The following OTUD3 variants were observed in gnomAD, a reference collection of about 807,000 sequenced individuals.
OTUD3 encodes OTU deubiquitinase 3, also known as OTU domain-containing protein 3.
In OTUD3, 24 loss-of-function variants were observed where a neutral mutation model predicts 46.2. The observed-to-expected ratio is 0.52, with a 90% CI of 0.38 to 0.73. The LOEUF (loss-of-function observed/expected upper bound fraction) is 0.73, where lower values mean the gene tolerates loss of function less well. Ranked by LOEUF, OTUD3 falls within the 30% of genes least tolerant of loss-of-function variation. The pLI is 0.00. For synonymous variants in OTUD3, 189 were observed against 195.4 expected (o/e 0.97, Z 0.27); for missense variants, 455 against 523.3 (o/e 0.87, Z 1.27).
At chr1:19,894,232 C>T (rs2100275238) in intron 2 of OTUD3, 136 bp from the exon 3 acceptor site, 1 of 545,420 alleles carries the variant, frequency 1.8e-6, no homozygotes, top group Non-Finnish European at 3.2e-6. Context: ...AATTCCTAGA[C>T]TCTGACAAAG....
rs752281294 is a variant in OTUD3 at position 19,882,633 on chromosome 1, G to C, written c.120G>C (p.Arg40=). Residue 40 remains arginine (R), a synonymous_variant, in exon 1 of 8, where the codon CGG becomes CGC. Coordinates refer to ENST00000375120, the MANE Select transcript of OTUD3 (RefSeq NM_015207.2). ...CCCTGGCCAAGGAGCGGCGGAATCG[G>C]CCGGAGTCTGGCGGCGGCGGCGGCT... ...RRALAKERRN[R]PESGGGGGCE... is the part of the protein sequence containing the mutation. 3 of 1,462,268 alleles carry C rather than the reference G, an allele frequency of 2.1e-6. No individual in the cohort carries two copies. Among genetic ancestry groups the C allele is most frequent in the Non-Finnish European group, 1.8e-6 (2 of 1,109,430 alleles). The allele number at this position is 1,462,268 out of a possible 1,614,324, so 90.6% of individuals were successfully genotyped here.
chr1:19,902,323 A>C (rs1172701143), intron 4 of OTUD3, among the ~76,000 whole-genome samples: 2 of 152,122 alleles, frequency 1.3e-5, no homozygotes, highest in Non-Finnish European at 2.9e-5. Flanking sequence ...CTTCTGCCTC[A>C]GCCTCCCGAG....
Position 19,909,743 on chromosome 1 carries a change from A to G in OTUD3, c.*1997A>G, listed in dbSNP as rs763929679. ...TAGAATTGCTTTATTTACTTGGTTAATGAAGGTGGCCTTGGGCCCTATTGG... is the reference window on the plus strand; with the variant it reads ...TAGAATTGCTTTATTTACTTGGTTAGTGAAGGTGGCCTTGGGCCCTATTGG... On this transcript the variant is annotated 3_prime_UTR_variant, in exon 8 of 8. Transcript: ENST00000375120. 3 of 152,378 alleles carry G rather than the reference A, an allele frequency of 2.0e-5. No homozygotes were observed. Among genetic ancestry groups the G allele is most frequent in the African/African-American group, 7.2e-5 (3 of 41,456 alleles). 9.4% of individuals were successfully genotyped at this position (152,378 alleles called of 1,614,324 possible).
rs924929909 is a variant in OTUD3 at position 19,911,888 on chromosome 1, G to A, written c.*4142G>A. 15 of 152,322 alleles carry A rather than the reference G, an allele frequency of 9.8e-5. No individual in the cohort carries two copies. The highest frequency in any genetic ancestry group is 3.4e-4 in the African/African-American group (14 of 41,440). 9.4% of individuals were successfully genotyped at this position (152,322 alleles called of 1,614,324 possible). On this transcript the variant is annotated 3_prime_UTR_variant, in exon 8 of 8. Transcript: ENST00000375120. The stretch of plus-strand genomic sequence containing the variant: ...GGACCTCCGGAAAGAGCGGTGCCTT[G>A]TGGTTGGCCTGGAAGTTCTCTCCCA...
chr1:19,911,110 A>G lies in OTUD3; in HGVS notation c.*3364A>G, dbSNP rs111672567. The G allele has an allele frequency of 0.032, 4,803 of 152,324 alleles. 111 individuals are homozygous for G. The highest frequency in any genetic ancestry group is 0.048 in the Non-Finnish European group (3,264 of 68,004). 9.4% of individuals were successfully genotyped at this position (152,324 alleles called of 1,614,324 possible). On this transcript the variant is annotated 3_prime_UTR_variant, in exon 8 of 8. Transcript: ENST00000375120. ...TGACCAAAAGGATCTCTGCGGGGGG[A>G]AGAGAATGGAGCTTCCTGATTTTAA... is the stretch of plus-strand genomic sequence containing the variant.
chr1:19,906,107 C>G (rs2045658281), intron 6 of OTUD3, among the ~76,000 whole-genome samples: 1 of 152,180 alleles, frequency 6.6e-6, no homozygotes, highest in Non-Finnish European at 1.5e-5. Context: ...AGCTTTAGAG[C>G]CTGTTTCTTT....
At chr1:19,897,260 A>G (rs2045529309) in intron 3 of OTUD3, among the ~76,000 whole-genome samples, 1 of 152,206 alleles carries the variant, frequency 6.6e-6, no homozygotes, top group South Asian at 2.1e-4. Context: ...CAGCCTCTGA[A>G]GCTTAAGCTT....
At chr1:19,885,493 A>G (rs977523716) in intron 1 of OTUD3, among the ~76,000 whole-genome samples, 10 of 152,194 alleles carry the variant, frequency 6.6e-5, no homozygotes, top group African/African-American at 2.2e-4. Context: ...TTACTCTGCC[A>G]CCCAGGCTGG....
intron 7 of OTUD3, chr1:19,906,947 C>T (rs1402570259): frequency 5.3e-6 from 1 of 188,298 alleles, no homozygotes; most frequent in Non-Finnish European, 1.1e-5. Flanking sequence ...GCAATGAACA[C>T]CTTTGTGTAT....
chr1:19,882,537 G>C lies in OTUD3; in HGVS notation c.24G>C (p.Lys8Asn). The change falls in exon 1 of 8, where the codon AAG (lysine) becomes AAC (asparagine). Residue 8 changes from lysine to asparagine, a missense_variant. Physicochemically the swap from Lys to Asn is moderately conservative, Grantham distance 94 (BLOSUM62 0). Transcript: ENST00000375120. ...CCATGTCCCGAAAGCAGGCGGCGAA[G>C]AGCCGGCCGGGCAGCGGCAGCCGGA... Reference protein sequence around the residue: MSRKQAAKSRPGSGSRKA... With the variant: MSRKQAANSRPGSGSRKA... 1 of 1,344,854 alleles carries C rather than the reference G, an allele frequency of 7.4e-7. No homozygotes were observed. The highest frequency in any genetic ancestry group is 3.1e-5 in the East Asian group (1 of 32,540). 83.3% of individuals were successfully genotyped at this position (1,344,854 alleles called of 1,614,324 possible).
In OTUD3 at chr1:19,905,101, G is replaced by T. The variant is rs114940438; in HGVS notation, c.835+114G>T. The stretch of plus-strand genomic sequence containing the variant: ...TAACTGTTCTGTCATTCATTTAGGA[G>T]TTGTTTATTGAGCACGTTCTGTACG... On this transcript the variant is annotated intron_variant, in intron 6 of 7. Coordinates refer to ENST00000375120, the MANE Select transcript of OTUD3 (RefSeq NM_015207.2). The T allele has an allele frequency of 1.6e-3, 1,022 of 657,990 alleles. 7 individuals are homozygous for T. In the African/African-American group the frequency reaches 0.017, roughly 11 times the overall value. The allele number at this position is 657,990 out of a possible 1,614,324, so 40.8% of individuals were successfully genotyped here.
chr1:19,897,989 G>T (rs2045539182), intron 4 of OTUD3, among the ~76,000 whole-genome samples: 1 of 146,194 alleles, frequency 6.8e-6, no homozygotes, highest in Admixed American at 6.8e-5. Flanking sequence ...CGCTCTTGTT[G>T]CCCAGGCTGG....
At chr1:19,893,244 A>G (rs550273155) in intron 2 of OTUD3, among the ~76,000 whole-genome samples, 2 of 152,264 alleles carry the variant, frequency 1.3e-5, no homozygotes, top group Admixed American at 6.5e-5. Context: ...GGTACCATCT[A>G]CAAGTTGGGG....
chr1:19,893,189 G>A (rs2045471872), intron 2 of OTUD3, among the ~76,000 whole-genome samples: 1 of 152,164 alleles, frequency 6.6e-6, no homozygotes, highest in South Asian at 2.1e-4. Context: ...TAGCCAAACT[G>A]CAGGGTTCGA....
At position 19,882,675 on chromosome 1, in the gene OTUD3, C is replaced by T; in HGVS notation, c.162C>T (p.Val54=). Residue 54 remains valine, a synonymous_variant, in exon 1 of 8, where the codon GTC becomes GTT. Coordinates refer to ENST00000375120, the MANE Select transcript of OTUD3 (RefSeq NM_015207.2). ...GGGGGCEEEF[V]SFANQLQALG... is the part of the protein sequence containing the mutation. ...GCGGCGGCTGCGAGGAGGAGTTCGT[C>T]AGCTTCGCCAACCAGCTGCAGGCCC... 1.4e-6 allele frequency: 2 copies of T among 1,457,520 alleles called. No individual in the cohort carries two copies. The highest frequency in any genetic ancestry group is 1.8e-6 in the Non-Finnish European group (2 of 1,106,304). 90.3% of individuals were successfully genotyped at this position (1,457,520 alleles called of 1,614,324 possible).
At position 19,904,996 on chromosome 1, in the gene OTUD3, A is replaced by T. The variant is rs1430292963; in HGVS notation, c.835+9A>T. 4 of 1,309,936 alleles carry T rather than the reference A, an allele frequency of 3.1e-6. No individual in the cohort carries two copies. The South Asian group carries it at 5.0e-5, about 16-fold the overall frequency. 81.1% of individuals were successfully genotyped at this position (1,309,936 alleles called of 1,614,324 possible). A position where few individuals can be genotyped will look rare whatever the true frequency, so the allele number is the denominator to read the frequency against. Reference sequence around the variant, plus strand: ...CCAAGGGAAGAGAAATAGTAAGTCCATGACTAATATTTATAGATCTTCAAA... The same window carrying T: ...CCAAGGGAAGAGAAATAGTAAGTCCTTGACTAATATTTATAGATCTTCAAA... On this transcript the variant is annotated intron_variant, in intron 6 of 7. Transcript: ENST00000375120.
chr1:19,901,501 C>T (rs1222331673), intron 4 of OTUD3, among the ~76,000 whole-genome samples: 2 of 152,194 alleles, frequency 1.3e-5, no homozygotes, highest in Non-Finnish European at 2.9e-5. Context: ...CAGAACCCCT[C>T]TTTTTTTAAA....
chr1:19,900,007 C>T (rs568332013), intron 4 of OTUD3, among the ~76,000 whole-genome samples: 5 of 151,998 alleles, frequency 3.3e-5, no homozygotes, highest in Admixed American at 6.6e-5. Flanking sequence ...GTTTTTCGCA[C>T]TCTGTCATTT....
chr1:19,901,055 G>A (rs796860834), intron 4 of OTUD3, among the ~76,000 whole-genome samples: 21 of 151,616 alleles, frequency 1.4e-4, no homozygotes, highest in Non-Finnish European at 2.7e-4. Context: ...GATTACAGGC[G>A]CTCGCCACTA....
Sources: gnomAD v4.1 joint callset for allele counts (sites outside exome capture counted in the v4.1 genomes callset) on GRCh38, gnomAD v4.1.1 for gene constraint, MANE v1.5 for transcripts, NCBI Gene and HGNC (gene_info 2026-07-23, HGNC 2026-07-21) for gene names.